The following ARFGEF1 variants were observed in gnomAD, a reference collection of about 807,000 sequenced individuals.
The protein encoded by ARFGEF1 is brefeldin A-inhibited guanine nucleotide-exchange protein 1.
Under a neutral mutation model 231.0 loss-of-function variants are expected in ARFGEF1, and 42 were observed. That is an observed-to-expected ratio of 0.18 (90% confidence interval 0.14 to 0.24). ARFGEF1 has a LOEUF of 0.24. ARFGEF1 is among the 10% of genes least tolerant of loss of function. The pLI is 1.00. For synonymous variants in ARFGEF1, 710 were observed against 732.3 expected (o/e 0.97, Z 0.49); for missense variants, 1,345 against 2,192.0 (o/e 0.61, Z 7.72).
chr8:67,274,786 C>T (rs1194530069), intron 9 of ARFGEF1, among the ~76,000 whole-genome samples: 1 of 152,028 alleles, frequency 6.6e-6, no homozygotes, highest in African/African-American at 2.4e-5. Flanking sequence ...AGCAATAATA[C>T]CAAATTCTTA....
intron 1 of ARFGEF1, among the ~76,000 whole-genome samples, chr8:67,311,570 G>A (rs1162142318): frequency 6.8e-6 from 1 of 146,654 alleles, no homozygotes; most frequent in African/African-American, 2.5e-5. Flanking sequence ...AGATGGGGGG[G>A]TCAGCCCCCC....
chr8:67,281,199 G>A (rs1805520213), intron 7 of ARFGEF1, among the ~76,000 whole-genome samples: 1 of 152,052 alleles, frequency 6.6e-6, no homozygotes, highest in Non-Finnish European at 1.5e-5. Context: ...ATGGAAATTA[G>A]AGAAGACTGC....
At chr8:67,259,492 C>A (rs1440118319) in intron 15 of ARFGEF1, among the ~76,000 whole-genome samples, 1 of 152,104 alleles carries the variant, frequency 6.6e-6, no homozygotes, top group African/African-American at 2.4e-5. Flanking sequence ...CCTCCCAAAG[C>A]GCTGGAATTA....
At chr8:67,316,156 A>G (rs1807305927) in intron 1 of ARFGEF1, among the ~76,000 whole-genome samples, 1 of 152,206 alleles carries the variant, frequency 6.6e-6, no homozygotes, top group African/African-American at 2.4e-5. Flanking sequence ...TTCTACATAC[A>G]AAGACCTGAG....
intron 1 of ARFGEF1, 51 bp downstream of exon 1, chr8:67,343,113 C>G: frequency 1.0e-6 from 1 of 980,744 alleles, no homozygotes; most frequent in Non-Finnish European, 1.4e-6. Flanking sequence ...AGGCGCCCCC[C>G]TCCCCGCCCC....
rs538740809 is a variant in ARFGEF1 at position 67,301,267 on chromosome 8, G to A, written c.269C>T (p.Ser90Phe). 6.2e-7 allele frequency: 1 copy of A among 1,613,700 alleles called. No homozygotes were observed. The highest frequency in any genetic ancestry group is 1.3e-5 in the African/African-American group (1 of 74,882). ...YFLPFELACQSKCPRIVSTSL... is the reference protein window; with the variant it reads ...YFLPFELACQFKCPRIVSTSL... The stretch of plus-strand genomic sequence containing the variant: ...TGTACTAACTATGCGAGGACATTTG[G>A]ACTGGCATGCCAACTCAAAAGGCAA... Residue 90 changes from serine to phenylalanine, a missense_variant, in exon 3 of 39, where the codon TCC becomes TTC. Coordinates refer to ENST00000262215, the MANE Select transcript of ARFGEF1 (RefSeq NM_006421.5).
intron 5 of ARFGEF1, among the ~76,000 whole-genome samples, chr8:67,182,509 G>A (rs1412281026): frequency 1.3e-5 from 2 of 152,190 alleles, no homozygotes; most frequent in African/African-American, 4.8e-5. Context: ...CTAAGAGATA[G>A]CATTTGCTAG....
At position 67,343,551 on chromosome 8, in the gene ARFGEF1, G is replaced by A. The variant is rs1181852411; in HGVS notation, c.-264C>T. 1.2e-5 allele frequency: 14 copies of A among 1,140,850 alleles called. No individual in the cohort carries two copies. The Admixed American group carries it at 3.3e-4, about 27-fold the overall frequency. 70.7% of individuals were successfully genotyped at this position (1,140,850 alleles called of 1,614,324 possible). On this transcript the variant is annotated 5_prime_UTR_variant, in exon 1 of 39. Transcript: ENST00000262215. ...GTCGGGCCTCCGCTTCTCCCGGCCC[G>A]GGGGTCGCGTCCCGGCCGCCCCTCT...
chr8:67,330,059 A>G (rs1387434473), intron 1 of ARFGEF1, among the ~76,000 whole-genome samples: 1 of 152,118 alleles, frequency 6.6e-6, no homozygotes, highest in Non-Finnish European at 1.5e-5. Context: ...AGATTAGCAA[A>G]TCTTTCTTAA....
At chr8:67,225,095 A>C (rs1386303721) in intron 28 of ARFGEF1, 62 bp from the exon 29 acceptor site, 1 of 1,361,706 alleles carries the variant, frequency 7.3e-7, no homozygotes, top group Non-Finnish European at 9.7e-7. Context: ...TCAGTATACT[A>C]ACTTCTCAAA....
chr8:67,228,484 A>T (rs890823829), intron 23 of ARFGEF1, among the ~76,000 whole-genome samples: 1 of 151,892 alleles, frequency 6.6e-6, no homozygotes, highest in Non-Finnish European at 1.5e-5. Context: ...TTTACATTCA[A>T]TATTATTATT....
intron 5 of ARFGEF1, chr8:67,190,811 GGGTT>G: frequency 1.5e-6 from 2 of 1,330,394 alleles, no homozygotes; most frequent in Non-Finnish European, 2.2e-6. Context: ...TGAGAGGTCT[GGGTT>G]CTGACCTGTG....
At chr8:67,294,187 T>C (rs776940466) in intron 5 of ARFGEF1, among the ~76,000 whole-genome samples, 1 of 152,176 alleles carries the variant, frequency 6.6e-6, no homozygotes, top group Non-Finnish European at 1.5e-5. Context: ...GTGTAGCTTA[T>C]ATGCAAATAT....
chr8:67,343,668 G>C lies in ARFGEF1; in HGVS notation c.-381C>G, dbSNP rs867676707. 22 of 958,236 alleles carry C rather than the reference G, an allele frequency of 2.3e-5. No individual in the cohort carries two copies. The highest frequency in any genetic ancestry group is 5.2e-4 in the Middle Eastern group (1 of 1,938). The allele number at this position is 958,236 out of a possible 1,614,324, so 59.4% of individuals were successfully genotyped here. A position where few individuals can be genotyped will look rare whatever the true frequency, so the allele number is the denominator to read the frequency against. On this transcript the variant is annotated 5_prime_UTR_variant, in exon 1 of 39. Transcript: ENST00000262215. The stretch of plus-strand genomic sequence containing the variant: ...AGGGACGAGGTGGCGGCGGCTCTCA[G>C]AGGCACCGCGAGAGAAGGGCTACCC...
intron 4 of ARFGEF1, among the ~76,000 whole-genome samples, chr8:67,296,926 A>T (rs1262263043): frequency 6.6e-6 from 1 of 152,210 alleles, no homozygotes; most frequent in Non-Finnish European, 1.5e-5. Flanking sequence ...TGCGGGGGTT[A>T]CAGGCATGAG....
At chr8:67,278,958 T>A (rs955456907) in intron 7 of ARFGEF1, among the ~76,000 whole-genome samples, 1 of 151,852 alleles carries the variant, frequency 6.6e-6, no homozygotes, top group Non-Finnish European at 1.5e-5. Context: ...AGCTTTTATA[T>A]ATTACATATG....
intron 1 of ARFGEF1, among the ~76,000 whole-genome samples, chr8:67,324,150 T>C (rs1449771737): frequency 1.3e-5 from 2 of 152,192 alleles, no homozygotes; most frequent in Non-Finnish European, 2.9e-5. Context: ...TTCTCTGAAA[T>C]GCAACAACAA....
chr8:67,289,292 C>A (rs967860389), intron 6 of ARFGEF1, among the ~76,000 whole-genome samples: 1 of 152,008 alleles, frequency 6.6e-6, no homozygotes, highest in Non-Finnish European at 1.5e-5. Flanking sequence ...GGGGGGGTCA[C>A]ACCTGTAATC....
intron 30 of ARFGEF1, among the ~76,000 whole-genome samples, chr8:67,218,827 CACTATATAATACTAAAGAAAGTT>C (rs1839047382): frequency 6.6e-6 from 1 of 151,736 alleles, no homozygotes; most frequent in Non-Finnish European, 1.5e-5. Flanking sequence ...AAAAAGAAGT[CACTATATAATACTAAAGAAAGTT>C]ACTGATGTTT....
Sources: allele counts gnomAD v4.1 joint callset (sites outside exome capture counted in the v4.1 genomes callset), GRCh38; gene constraint gnomAD v4.1.1; transcripts MANE v1.5; gene names NCBI Gene and HGNC (gene_info 2026-07-23, HGNC 2026-07-21).